The following SOX6 variants were observed in gnomAD, a reference collection of about 807,000 sequenced individuals.
SOX6 encodes SRY-box transcription factor 6, also known as transcription factor SOX-6.
A neutral mutation model predicts 97.8 loss-of-function variants in SOX6; 11 were observed. The observed-to-expected ratio is 0.11, with a 90% CI of 0.07 to 0.19. The LOEUF is 0.19. SOX6 is among the 10% of genes least tolerant of loss of function. The pLI is 1.00. For synonymous variants in SOX6, 360 were observed against 371.4 expected (o/e 0.97, Z 0.35); for missense variants, 810 against 1,039.5 (o/e 0.78, Z 3.04).
chr11:16,491,414 T>C (rs1279449802), intron 4 of SOX6, among the ~76,000 whole-genome samples: 1 of 152,126 alleles, frequency 6.6e-6, no homozygotes, highest in Non-Finnish European at 1.5e-5. Context: ...ATGTCATGGA[T>C]TGGAAGACTC....
In SOX6 at chr11:16,558,210, G is replaced by A. The variant is rs1342839161; in HGVS notation, n.609+53871C>T. ...ATAGCTCTATAAACTCTGATTGCTG[G>A]CAAAAACTTTAAGATATTCAAGTAA... On this transcript the variant is annotated intron_variant and non_coding_transcript_variant, in intron 4 of 5. Transcript: ENST00000524520. Among the ~76,000 whole-genome samples the A allele has an allele frequency of 2.6e-5, 4 of 151,832 alleles. No individual in the cohort carries two copies. The East Asian group carries it at 7.7e-4, about 29-fold the overall frequency.
chr11:16,680,943 C>T (rs1192839263), intron 3 of SOX6, among the ~76,000 whole-genome samples: 2 of 152,172 alleles, frequency 1.3e-5, no homozygotes, highest in East Asian at 1.9e-4. Flanking sequence ...AACAGGAGCA[C>T]CCAGATTCAT....
chr11:16,285,112 G>A (rs1288301254), intron 3 of SOX6, among the ~76,000 whole-genome samples: 2 of 151,990 alleles, frequency 1.3e-5, no homozygotes, highest in Non-Finnish European at 2.9e-5. Context: ...AAACAAACCT[G>A]CCAGTTTTCT....
intron 1 of SOX6, among the ~76,000 whole-genome samples, chr11:16,407,790 C>T (rs1858718149): frequency 6.6e-6 from 1 of 151,848 alleles, no homozygotes; most frequent in African/African-American, 2.4e-5. Flanking sequence ...GAAATAAAGG[C>T]CAGCAAAGCT....
chr11:16,247,730 T>C (rs890551937), intron 3 of SOX6, among the ~76,000 whole-genome samples: 1 of 152,112 alleles, frequency 6.6e-6, no homozygotes, highest in Non-Finnish European at 1.5e-5. Context: ...CTATAAGAAC[T>C]ACAATTCAAG....
chr11:16,524,224 C>T (rs1293963148), intron 4 of SOX6, among the ~76,000 whole-genome samples: 8 of 151,794 alleles, frequency 5.3e-5, no homozygotes, highest in African/African-American at 1.7e-4. Context: ...ATGCAAAAAT[C>T]CTCAATAAAA....
chr11:16,260,728 G>A (rs770520395), intron 3 of SOX6, among the ~76,000 whole-genome samples: 62 of 152,124 alleles, frequency 4.1e-4, no homozygotes, highest in Non-Finnish European at 8.2e-4. Flanking sequence ...ATCTAGGAAA[G>A]GTACAAAGTT....
chr11:16,482,876 T>C (rs1382419264), intron 4 of SOX6, among the ~76,000 whole-genome samples: 2 of 152,232 alleles, frequency 1.3e-5, no homozygotes, highest in South Asian at 4.1e-4. Flanking sequence ...ACTGCCTTTT[T>C]GTTTGTTTGT....
At chr11:16,487,674 T>C (rs11023962) in intron 4 of SOX6, among the ~76,000 whole-genome samples, 33,472 of 152,102 alleles carry the variant, frequency 0.22, 4,182 homozygotes, top group East Asian at 0.51. Context: ...AGCAGACGTA[T>C]AGAAAAAACT....
chr11:15,979,337 C>T (rs977535525), intron 15 of SOX6, among the ~76,000 whole-genome samples: 1 of 151,928 alleles, frequency 6.6e-6, no homozygotes, highest in Admixed American at 6.6e-5. Flanking sequence ...CCCTACAAAC[C>T]TGGAACAAAC....
chr11:16,236,346 T>C (rs1853021540), intron 3 of SOX6, among the ~76,000 whole-genome samples: 1 of 152,090 alleles, frequency 6.6e-6, no homozygotes, highest in Non-Finnish European at 1.5e-5. Context: ...GTCATAAAAA[T>C]GATAATACTA....
intron 13 of SOX6, among the ~76,000 whole-genome samples, chr11:15,996,465 C>T (rs141364105): frequency 4.1e-4 from 62 of 151,860 alleles, no homozygotes; most frequent in African/African-American, 1.4e-3. Context: ...TCTGTCTCTA[C>T]AAAAGGTTAA....
At chr11:16,566,604 T>C (rs1847875908) in intron 4 of SOX6, among the ~76,000 whole-genome samples, 4 of 152,234 alleles carry the variant, frequency 2.6e-5, no homozygotes, top group Admixed American at 2.0e-4. Flanking sequence ...CCCAGCTCTT[T>C]ACCGTCAAGA....
At chr11:16,170,053 T>A (rs1306011296) in intron 6 of SOX6, among the ~76,000 whole-genome samples, 1 of 152,076 alleles carries the variant, frequency 6.6e-6, no homozygotes, top group Non-Finnish European at 1.5e-5. Flanking sequence ...TCCTCCTGTG[T>A]TGGTTCTTTT....
chr11:16,211,330 G>C (rs1852222408), intron 4 of SOX6, among the ~76,000 whole-genome samples: 1 of 152,020 alleles, frequency 6.6e-6, no homozygotes, highest in South Asian at 2.1e-4. Flanking sequence ...AGACTGTGTG[G>C]AGACAAAGGA....
chr11:16,464,049 C>G (rs1275323778), intron 1 of SOX6, among the ~76,000 whole-genome samples: 2 of 152,150 alleles, frequency 1.3e-5, no homozygotes, highest in Non-Finnish European at 2.9e-5. Context: ...TACAGGATAT[C>G]TCACTGTAAG....
chr11:16,734,643 C>T (rs1590069273), intron 2 of SOX6, among the ~76,000 whole-genome samples: 1 of 152,202 alleles, frequency 6.6e-6, no homozygotes, highest in African/African-American at 2.4e-5. Flanking sequence ...ATATTTTTAA[C>T]AGTTCCACTT....
At chr11:16,295,451 C>T (rs1855047264) in intron 3 of SOX6, among the ~76,000 whole-genome samples, 1 of 152,018 alleles carries the variant, frequency 6.6e-6, no homozygotes, top group South Asian at 2.1e-4. Flanking sequence ...CACAAGAGAA[C>T]ATCAAAAGCA....
intron 1 of SOX6, chr11:16,408,936 G>T (rs1858739372): frequency 6.6e-6 from 1 of 152,140 alleles, no homozygotes; most frequent in Admixed American, 6.5e-5. Context: ...AACCAATGGG[G>T]TAATTGTGGG....
Sources: gnomAD v4.1 joint callset for allele counts (sites outside exome capture counted in the v4.1 genomes callset) on GRCh38, gnomAD v4.1.1 for gene constraint, MANE v1.5 for transcripts, NCBI Gene and HGNC (gene_info 2026-07-23, HGNC 2026-07-21) for gene names.